Variants in MAP4K2 observed in about 807,000 individuals in gnomAD.
MAP4K2 encodes B lymphocyte serine/threonine protein kinase.
Under a neutral mutation model 125.3 loss-of-function variants are expected in MAP4K2, and 85 were observed. The observed-to-expected ratio is 0.68, with a 90% confidence interval of 0.57 to 0.81. The LOEUF (loss-of-function observed/expected upper bound fraction) is 0.81. Among genes scored for constraint, MAP4K2 ranks in the 40% least tolerant of loss-of-function variants. MAP4K2 has a pLI of 0.00. For missense variants in MAP4K2, 923 were observed against 1,056.4 expected (o/e 0.87, Z 1.75); for synonymous variants, 479 against 445.1 (o/e 1.08, Z -0.96).
In MAP4K2 at chr11:64,801,698, C is replaced by A; in HGVS notation, c.414+12G>T. 6.2e-7 allele frequency: 1 copy of A among 1,614,000 alleles called. No individual in the cohort carries two copies. Among genetic ancestry groups the A allele is most frequent in the Non-Finnish European group, 8.5e-7 (1 of 1,179,954 alleles). On this transcript the variant is annotated intron_variant, in intron 6 of 31. Coordinates refer to ENST00000294066, the MANE Select transcript of MAP4K2 (RefSeq NM_004579.5). ...CCTCCCTCCCCAGGAGTGCCCCCAG[C>A]TAGGTGCCTACCTTGATGTCTCTGT... is the stretch of plus-strand genomic sequence containing the variant.
chr11:64,791,666 C>T (rs567925306), intron 27 of MAP4K2, among the ~76,000 whole-genome samples: 4 of 152,312 alleles, frequency 2.6e-5, no homozygotes, highest in Non-Finnish European at 5.9e-5. Flanking sequence ...CCACTGTGCC[C>T]GGCCTGGCCA....
intron 7 of MAP4K2, 84 bp downstream of exon 7, chr11:64,801,495 C>A: frequency 6.7e-7 from 1 of 1,492,190 alleles, no homozygotes; most frequent in South Asian, 1.2e-5. Context: ...AGTGACTTGC[C>A]CAGTGACACC....
Position 64,789,268 on chromosome 11 carries a change from G to A in MAP4K2, c.*269C>T. On this transcript the variant is annotated 3_prime_UTR_variant, in exon 32 of 32. Coordinates refer to ENST00000294066, the MANE Select transcript of MAP4K2 (RefSeq NM_004579.5). ...GAACAAAATGGAATGGATGGCCCAGGCCCAGGGTCCCTGCCTTGGGCACTA... is the reference window on the plus strand; with the variant it reads ...GAACAAAATGGAATGGATGGCCCAGACCCAGGGTCCCTGCCTTGGGCACTA... 2 of 530,356 alleles carry A rather than the reference G, an allele frequency of 3.8e-6. No individual in the cohort carries two copies. Among genetic ancestry groups the A allele is most frequent in the South Asian group, 4.4e-5 (2 of 45,158 alleles). 32.9% of individuals were successfully genotyped at this position (530,356 alleles called of 1,614,324 possible).
chr11:64,797,764 G>A, intron 15 of MAP4K2, 100 bp from the exon 16 acceptor site: 1 of 1,189,880 alleles, frequency 8.4e-7, no homozygotes. Context: ...GGAGTGCAGT[G>A]GCGCAATCGC....
chr11:64,802,147 T>A, intron 4 of MAP4K2, 26 bp from the exon 5 acceptor site: 1 of 1,608,856 alleles, frequency 6.2e-7, no homozygotes. Flanking sequence ...AGAGGCTGGC[T>A]TGGGGGCCCG....
In MAP4K2 at chr11:64,802,948, G is replaced by A; in HGVS notation, c.97-6C>T. 2 of 1,573,150 alleles carry A rather than the reference G, an allele frequency of 1.3e-6. No individual in the cohort carries two copies. Among genetic ancestry groups the A allele is most frequent in the Non-Finnish European group, 1.7e-6 (2 of 1,160,458 alleles). ...GACGTGACCGTGTCGCGGGCCTGCA[G>A]GGGCGGAGGGTGAAGCGGGATGGGG... On this transcript the variant is annotated splice_region_variant and splice_polypyrimidine_tract_variant and intron_variant, in intron 1 of 31. Transcript: ENST00000294066.
In MAP4K2 at chr11:64,797,281, G is replaced by C. The variant is rs1304131383; in HGVS notation, c.1270C>G (p.Pro424Ala). 2 of 1,600,774 alleles carry C rather than the reference G, an allele frequency of 1.2e-6. No homozygotes were observed. Among genetic ancestry groups the C allele is most frequent in the East Asian group, 4.5e-5 (2 of 44,360 alleles). Residue 424 changes from proline to alanine, a missense_variant, in exon 18 of 32, where the codon CCC (proline) becomes GCC (alanine). This residue lies in a region of MAP4K2 where 833 missense variants were observed against 911.4 expected (regional missense o/e 0.91). Transcript: ENST00000294066. ...TCCCAAGCCTGAGACTCACCTGGGG[G>C]ACTGGACAGAGGCTCCTCTGCTGGA... is the stretch of plus-strand genomic sequence containing the variant. ...DPPAEEPLSS[P>A]PGTLPPPPSG...
chr11:64,794,367 CT>C (rs71049660), intron 24 of MAP4K2, among the ~76,000 whole-genome samples: 1 of 148,248 alleles, frequency 6.7e-6, no homozygotes, highest in African/African-American at 2.5e-5. Context: ...TTCTGTTTTT[CT>C]TTTTTTTTTG....
Position 64,790,477 on chromosome 11 carries a change from G to C in MAP4K2, c.2093-15C>G. The C allele has an allele frequency of 6.2e-7, 1 of 1,613,210 alleles. No individual in the cohort carries two copies. ...TGGGATCCCCTCTGCAGGCAGAGAAGAGAGACATGGCCTGGCTGAGCCACC... is the reference window on the plus strand; with the variant it reads ...TGGGATCCCCTCTGCAGGCAGAGAACAGAGACATGGCCTGGCTGAGCCACC... On this transcript the variant is annotated splice_polypyrimidine_tract_variant and intron_variant, in intron 27 of 31. Coordinates refer to ENST00000294066, the MANE Select transcript of MAP4K2 (RefSeq NM_004579.5).
rs751636690 is a variant in MAP4K2, at chr11:64,796,939, G to A, written c.1407+43C>T. On this transcript the variant is annotated intron_variant, in intron 20 of 31. Coordinates refer to ENST00000294066, the MANE Select transcript of MAP4K2 (RefSeq NM_004579.5). ...TGGCGAGGGAGTGCAGGGGTGGTGG[G>A]TGGCAGGGCTGTGGGACTGCAGGGC... is the stretch of plus-strand genomic sequence containing the variant. 1.4e-5 allele frequency: 23 copies of A among 1,613,894 alleles called. No individual in the cohort carries two copies. In the South Asian group the frequency reaches 2.2e-4, roughly 15 times the overall value.
intron 4 of MAP4K2, 79 bp from the exon 5 acceptor site, chr11:64,802,200 C>T (rs755512035): frequency 6.6e-6 from 9 of 1,368,872 alleles, no homozygotes; most frequent in Non-Finnish European, 7.2e-6. Context: ...GTGGGAAAAG[C>T]AGCAGGCACT....
intron 22 of MAP4K2, 25 bp downstream of exon 22, chr11:64,796,608 GC>G: frequency 6.2e-7 from 1 of 1,613,930 alleles, no homozygotes; most frequent in Non-Finnish European, 8.5e-7. Flanking sequence ...CAAGGCCTCT[GC>G]CCCCCACAGC....
At position 64,796,496 on chromosome 11, in the gene MAP4K2, A is replaced by G. The variant is rs1490130683; in HGVS notation, c.1630T>C (p.Ser544Pro). ...YCVNNVLLSL[S>P]GKSTHIWAHD... ...CCCTGCCCATCCCACCTTGTACCTGAGAGTGACAGCAGCACGTTGTTCACG... is the reference window on the plus strand; with the variant it reads ...CCCTGCCCATCCCACCTTGTACCTGGGAGTGACAGCAGCACGTTGTTCACG... The change falls in exon 23 of 32, where the codon TCA becomes CCA. Residue 544 changes from serine (S) to proline (P), a missense_variant. Coordinates refer to ENST00000294066, the MANE Select transcript of MAP4K2 (RefSeq NM_004579.5). 1.2e-6 allele frequency: 2 copies of G among 1,613,820 alleles called. No individual in the cohort carries two copies. Among genetic ancestry groups the G allele is most frequent in the African/African-American group, 2.7e-5 (2 of 74,936 alleles).
At chr11:64,789,988 G>A in intron 29 of MAP4K2, 29 bp from the exon 30 acceptor site, 1 of 1,610,768 alleles carries the variant, frequency 6.2e-7, no homozygotes. Flanking sequence ...CATCAGCCCT[G>A]CACCCATCTT....
chr11:64,791,678 G>C (rs1940484710), intron 27 of MAP4K2, among the ~76,000 whole-genome samples: 1 of 152,178 alleles, frequency 6.6e-6, no homozygotes, highest in South Asian at 2.1e-4. Flanking sequence ...GCCTGGCCAG[G>C]ATTTTCTTAG....
chr11:64,797,586 C>A, intron 16 of MAP4K2, 40 bp downstream of exon 16: 8 of 1,577,588 alleles, frequency 5.1e-6, no homozygotes, highest in Non-Finnish European at 6.9e-6. Context: ...GCACCAAGGC[C>A]ACCTGCCCCT....
chr11:64,800,714 C>G (rs1188223641), intron 10 of MAP4K2, 50 bp downstream of exon 10: 1 of 1,560,656 alleles, frequency 6.4e-7, no homozygotes, highest in East Asian at 2.4e-5. Context: ...TGTTTGTCCA[C>G]TATGGGGCTG....
intron 3 of MAP4K2, 24 bp downstream of exon 3, chr11:64,802,539 G>A (rs374202271): frequency 2.5e-6 from 4 of 1,589,008 alleles, no homozygotes; most frequent in African/African-American, 2.7e-5. Flanking sequence ...GCTGCCTGGG[G>A]CCAGGAGGAT....
intron 29 of MAP4K2, 82 bp from the exon 30 acceptor site, chr11:64,790,041 G>A (rs1365716262): frequency 1.3e-6 from 2 of 1,563,476 alleles, no homozygotes; most frequent in African/African-American, 1.4e-5. Context: ...TGGGCCACAG[G>A]GGTCCTCACT....
Sources: gnomAD v4.1 joint callset for allele counts (sites outside exome capture counted in the v4.1 genomes callset) on GRCh38, gnomAD v4.1.1 for gene constraint, gnomAD v4.1.1 regional missense constraint, MANE v1.5 for transcripts, NCBI Gene and HGNC (gene_info 2026-07-23, HGNC 2026-07-21) for gene names.